The following CCSER1 variants were observed in gnomAD, a reference collection of about 807,000 sequenced individuals.
CCSER1 encodes serine-rich coiled-coil domain-containing protein 1.
In CCSER1, 41 loss-of-function variants were observed where a neutral mutation model predicts 82.0. That is an observed-to-expected ratio of 0.50 (90% CI 0.39 to 0.65). The LOEUF is 0.65. Among genes scored for constraint, CCSER1 ranks in the 30% least tolerant of loss-of-function variants. The pLI is 0.00. For missense variants in CCSER1, 1,119 were observed against 1,064.2 expected, an observed-to-expected ratio of 1.05 and a Z score of -0.72; for synonymous variants, 414 against 383.9, an observed-to-expected ratio of 1.08 and a Z score of -0.92.
At chr4:91,524,018 A>G (rs538165300) in intron 10 of CCSER1, among the ~76,000 whole-genome samples, 31 of 152,334 alleles carry the variant, frequency 2.0e-4, no homozygotes, top group African/African-American at 7.2e-4. Flanking sequence ...AGGAATGCCT[A>G]TGTTTTACAA....
intron 1 of CCSER1, among the ~76,000 whole-genome samples, chr4:90,251,040 G>C (rs932269519): frequency 6.6e-6 from 1 of 151,786 alleles, no homozygotes; most frequent in African/African-American, 2.4e-5. Context: ...TCTTGTATCT[G>C]TCAACCTTAT....
At chr4:90,764,697 C>T (rs1750933844) in intron 7 of CCSER1, among the ~76,000 whole-genome samples, 2 of 152,042 alleles carry the variant, frequency 1.3e-5, no homozygotes, top group South Asian at 4.1e-4. Flanking sequence ...AGATATAGGA[C>T]ATTTTAAAGA....
intron 10 of CCSER1, among the ~76,000 whole-genome samples, chr4:91,304,504 G>C (rs977721897): frequency 1.3e-5 from 2 of 151,956 alleles, no homozygotes; most frequent in African/African-American, 2.4e-5. Context: ...TATACACTGA[G>C]ATCATCAAAA....
At position 90,648,672 on chromosome 4, in the gene CCSER1, C is replaced by A. The variant is rs181438642; in HGVS notation, c.1932+20440C>A. ...AGAGAGAGAATGCACCATCTGCAAG[C>A]CAAGAAGAGAAGCTGTAGGAGAAAC... On this transcript the variant is annotated intron_variant, in intron 6 of 10. Coordinates refer to ENST00000509176, the MANE Select transcript of CCSER1 (RefSeq NM_001145065.2). Among the ~76,000 whole-genome samples the A allele has an allele frequency of 3.5e-3, 533 of 152,240 alleles. 2 individuals carry two copies. The highest frequency in any genetic ancestry group is 5.9e-3 in the Non-Finnish European group (398 of 68,004).
chr4:90,281,164 G>A (rs1048959638), intron 1 of CCSER1, among the ~76,000 whole-genome samples: 4 of 151,984 alleles, frequency 2.6e-5, no homozygotes, highest in African/African-American at 9.7e-5. Flanking sequence ...TGGAGCTGGA[G>A]GCCATTATCC....
intron 9 of CCSER1, among the ~76,000 whole-genome samples, chr4:91,062,027 G>GCT (rs1025555608): frequency 1.3e-4 from 20 of 149,954 alleles, no homozygotes; most frequent in South Asian, 4.2e-4. Flanking sequence ...ATTTCTGCAT[G>GCT]CTCTCTCTCT....
intron 10 of CCSER1, among the ~76,000 whole-genome samples, chr4:91,579,146 A>T (rs1383474170): frequency 6.6e-6 from 1 of 150,844 alleles, no homozygotes; most frequent in Non-Finnish European, 1.5e-5. Context: ...TTGTTTTTAA[A>T]CCTTTCTTTC....
At chr4:91,102,092 C>G (rs12510441) in intron 10 of CCSER1, among the ~76,000 whole-genome samples, 70,802 of 151,822 alleles carry the variant, frequency 0.47, 16,818 homozygotes, top group East Asian at 0.73. Flanking sequence ...TCGTGCAGAT[C>G]GGTTTCAATT....
intron 10 of CCSER1, among the ~76,000 whole-genome samples, chr4:91,541,680 A>G (rs933876999): frequency 1.3e-5 from 2 of 152,216 alleles, no homozygotes; most frequent in Admixed American, 6.5e-5. Flanking sequence ...TAGTGCCACA[A>G]TAAACATACG....
chr4:90,313,100 C>T, intron 3 of CCSER1, 53 bp downstream of exon 3: 1 of 1,323,990 alleles, frequency 7.6e-7, no homozygotes, highest in African/African-American at 1.5e-5. Context: ...CTATATCCGA[C>T]ATGTTCATGT....
chr4:90,977,070 G>C (rs1021304437), intron 9 of CCSER1, among the ~76,000 whole-genome samples: 22 of 151,472 alleles, frequency 1.5e-4, no homozygotes, highest in Admixed American at 2.0e-4. Flanking sequence ...AGTTTTTATT[G>C]GTACCAACCT....
At chr4:90,482,686 G>A (rs1490581602) in intron 5 of CCSER1, among the ~76,000 whole-genome samples, 2 of 152,206 alleles carry the variant, frequency 1.3e-5, no homozygotes, top group African/African-American at 4.8e-5. Flanking sequence ...GCGGTTTTGA[G>A]TGAGTTTCTT....
At chr4:90,716,270 T>C (rs1443673843) in intron 6 of CCSER1, among the ~76,000 whole-genome samples, 3 of 151,934 alleles carry the variant, frequency 2.0e-5, no homozygotes, top group African/African-American at 7.2e-5. Flanking sequence ...TATGTGAATA[T>C]GTTATCCAAA....
intron 10 of CCSER1, among the ~76,000 whole-genome samples, chr4:91,579,120 AT>A (rs1763603044): frequency 6.6e-6 from 1 of 150,606 alleles, no homozygotes; most frequent in Non-Finnish European, 1.5e-5. Flanking sequence ...TTATTATTAT[AT>A]TATTATTATT....
intron 5 of CCSER1, among the ~76,000 whole-genome samples, chr4:90,516,992 T>TAAA (rs1236736364): frequency 6.6e-6 from 1 of 152,154 alleles, no homozygotes; most frequent in Non-Finnish European, 1.5e-5. Flanking sequence ...CTTCTCAACT[T>TAAA]ACGATGGGGT....
intron 8 of CCSER1, among the ~76,000 whole-genome samples, chr4:90,874,349 C>A (rs1182451883): frequency 6.6e-6 from 1 of 152,010 alleles, no homozygotes. Flanking sequence ...TGTAGCAAAC[C>A]TCTAAATTTT....
At chr4:91,079,576 A>T (rs1722449962) in intron 9 of CCSER1, among the ~76,000 whole-genome samples, 1 of 152,236 alleles carries the variant, frequency 6.6e-6, no homozygotes, top group Admixed American at 6.5e-5. Flanking sequence ...AACAATATGA[A>T]TCTTAAATGT....
chr4:91,102,803 C>T (rs775729307), intron 10 of CCSER1, among the ~76,000 whole-genome samples: 5 of 152,186 alleles, frequency 3.3e-5, no homozygotes, highest in Non-Finnish European at 7.3e-5. Flanking sequence ...GATGGTTGAA[C>T]TGATTCAGCC....
At chr4:90,993,226 C>A in intron 9 of CCSER1, among the ~76,000 whole-genome samples, 1 of 151,982 alleles carries the variant, frequency 6.6e-6, no homozygotes, top group East Asian at 1.9e-4. Flanking sequence ...CAACACAATT[C>A]CTTTCTCTTC....
Sources: allele counts gnomAD v4.1 joint callset (sites outside exome capture counted in the v4.1 genomes callset), GRCh38; gene constraint gnomAD v4.1.1; transcripts MANE v1.5; gene names NCBI Gene and HGNC (gene_info 2026-07-23, HGNC 2026-07-21).